FRMD5: variants seen among roughly 807,000 people sequenced by gnomAD.
The protein encoded by FRMD5 is FERM domain-containing protein 5.
In FRMD5, 20 loss-of-function variants were observed where a neutral mutation model predicts 69.0. That is an observed-to-expected ratio of 0.29 (90% CI 0.20 to 0.42). The LOEUF (loss-of-function observed/expected upper bound fraction) is 0.42. Ranked by LOEUF, FRMD5 falls within the 10% of genes least tolerant of loss-of-function variation. The pLI, the probability that FRMD5 is intolerant of heterozygous loss-of-function variation, is 1.00. For synonymous variants in FRMD5, 271 were observed against 260.1 expected, an observed-to-expected ratio of 1.04 and a Z score of -0.40; for missense variants, 595 against 708.6, an observed-to-expected ratio of 0.84 and a Z score of 1.82.
chr15:43,965,524 C>G (rs1023145640), intron 1 of FRMD5, among the ~76,000 whole-genome samples: 3 of 151,948 alleles, frequency 2.0e-5, no homozygotes, highest in Non-Finnish European at 4.4e-5. Context: ...ACCTAATTTC[C>G]CACCATGCCA....
intron 1 of FRMD5, among the ~76,000 whole-genome samples, chr15:44,123,429 G>T (rs1000191379): frequency 6.6e-6 from 1 of 152,066 alleles, no homozygotes; most frequent in South Asian, 2.1e-4. Context: ...TACTATTTTC[G>T]TATATAAACA....
At chr15:43,951,961 ATGTGTGTGTGTGTGTGTGTTG>A (rs1327153631) in intron 1 of FRMD5, among the ~76,000 whole-genome samples, 2 of 111,684 alleles carry the variant, frequency 1.8e-5, no homozygotes, top group Non-Finnish European at 3.4e-5. Flanking sequence ...CTGTATGTGC[ATGTGTGTGTGTGTGTGTGTTG>A]TGTGTGTGTG....
chr15:44,105,086 C>CTT (rs71299549), intron 1 of FRMD5, among the ~76,000 whole-genome samples: 4,470 of 136,864 alleles, frequency 0.033, 183 homozygotes, highest in Admixed American at 0.11. Context: ...AAATTCTTTT[C>CTT]TTTTTTTTTT....
intron 1 of FRMD5, among the ~76,000 whole-genome samples, chr15:43,959,909 A>AATG (rs934151847): frequency 3.3e-4 from 50 of 152,172 alleles, no homozygotes; most frequent in African/African-American, 1.1e-3. Flanking sequence ...TTCTCAGTAA[A>AATG]ATGATGATGA....
intron 1 of FRMD5, among the ~76,000 whole-genome samples, chr15:44,153,949 C>T (rs898084313): frequency 5.9e-5 from 9 of 151,502 alleles, no homozygotes; most frequent in African/African-American, 9.7e-5. Flanking sequence ...GCCTAGGTGA[C>T]GACAGGGCAA....
intron 5 of FRMD5, 86 bp from the exon 6 acceptor site, chr15:43,906,037 A>G (rs2089164116): frequency 1.3e-6 from 2 of 1,530,280 alleles, no homozygotes; most frequent in African/African-American, 1.4e-5. Context: ...ACACAGAGCA[A>G]AAGCCAAAAT....
intron 1 of FRMD5, among the ~76,000 whole-genome samples, chr15:44,108,177 A>C (rs1187644525): frequency 6.6e-6 from 1 of 152,202 alleles, no homozygotes; most frequent in African/African-American, 2.4e-5. Context: ...TAGTCTGCTA[A>C]ACTGAAAATA....
chr15:44,076,679 T>G, intron 1 of FRMD5, among the ~76,000 whole-genome samples: 1 of 146,012 alleles, frequency 6.8e-6, no homozygotes, highest in African/African-American at 2.5e-5. Flanking sequence ...TGCTAGATGA[T>G]GAGTTAGTGG....
At chr15:44,158,679 T>C (rs966569106) in intron 1 of FRMD5, among the ~76,000 whole-genome samples, 1 of 152,196 alleles carries the variant, frequency 6.6e-6, no homozygotes, top group Admixed American at 6.5e-5. Context: ...GAATACCTAA[T>C]GTAAAGAAGA....
chr15:44,006,315 G>GA (rs967785440), intron 1 of FRMD5, among the ~76,000 whole-genome samples: 24 of 151,012 alleles, frequency 1.6e-4, no homozygotes, highest in African/African-American at 2.2e-4. Context: ...TGCTCAAAAA[G>GA]AAAAAAAAAT....
intron 7 of FRMD5, among the ~76,000 whole-genome samples, chr15:43,895,092 T>G (rs147056386): frequency 6.6e-6 from 1 of 152,306 alleles, no homozygotes; most frequent in African/African-American, 2.4e-5. Flanking sequence ...CCTGTGTTTG[T>G]TGTTAATATT....
chr15:44,094,089 T>C lies in FRMD5; in HGVS notation c.102+100864A>G, dbSNP rs532796055. ...CTTACCATGAACCCAGGATACAAACTGACTCAAGCCAGGCCAGTCAGATTT... is the reference window on the plus strand; with the variant it reads ...CTTACCATGAACCCAGGATACAAACCGACTCAAGCCAGGCCAGTCAGATTT... On this transcript the variant is annotated intron_variant, in intron 1 of 13. Transcript: ENST00000417257. 1.3e-4 allele frequency among the ~76,000 whole-genome samples: 20 copies of C among 152,210 alleles called. 1 individual carries two copies. The South Asian group carries it at 4.1e-3, about 32-fold the overall frequency.
At position 44,188,830 on chromosome 15, in the gene FRMD5, G is replaced by C. The variant is rs1056403760; in HGVS notation, c.102+6123C>G. Among the ~76,000 whole-genome samples, 6 of 152,144 alleles carry C rather than the reference G, an allele frequency of 3.9e-5. No homozygotes were observed. In the East Asian group the frequency reaches 1.2e-3, roughly 29 times the overall value. On this transcript the variant is annotated intron_variant, in intron 1 of 13. Coordinates refer to ENST00000417257, the MANE Select transcript of FRMD5 (RefSeq NM_032892.5). The stretch of plus-strand genomic sequence containing the variant: ...CAGTGGTTGTCTGAGGCTTTGAACT[G>C]ATCTTTAACACACAGGAATGAGTTC...
At chr15:44,131,423 A>G (rs1461855351) in intron 1 of FRMD5, among the ~76,000 whole-genome samples, 1 of 152,156 alleles carries the variant, frequency 6.6e-6, no homozygotes, top group Non-Finnish European at 1.5e-5. Flanking sequence ...TAATTACTAT[A>G]TGATCCAAAG....
At chr15:43,927,536 G>A (rs2089605857) in intron 1 of FRMD5, among the ~76,000 whole-genome samples, 1 of 152,204 alleles carries the variant, frequency 6.6e-6, no homozygotes, top group Admixed American at 6.5e-5. Flanking sequence ...AGTGAGAAGA[G>A]CTTAAAGAGG....
chr15:44,058,799 A>AAAAGAAG (rs1555399622), intron 1 of FRMD5, among the ~76,000 whole-genome samples: 1 of 151,400 alleles, frequency 6.6e-6, no homozygotes, highest in African/African-American at 2.4e-5. Flanking sequence ...AAAAAAAAAA[A>AAAAGAAG]AAGAAGAAGA....
chr15:43,934,795 C>T (rs1444217202), intron 1 of FRMD5, among the ~76,000 whole-genome samples: 1 of 152,220 alleles, frequency 6.6e-6, no homozygotes, highest in Non-Finnish European at 1.5e-5. Flanking sequence ...CTGTCCTTCC[C>T]AGGCCCACTA....
At chr15:44,138,861 A>C (rs1370019182) in intron 1 of FRMD5, among the ~76,000 whole-genome samples, 2 of 152,226 alleles carry the variant, frequency 1.3e-5, no homozygotes, top group Admixed American at 1.3e-4. Context: ...CAGATTATAT[A>C]ATTCCATTTA....
At chr15:44,120,171 G>A (rs185210835) in intron 1 of FRMD5, among the ~76,000 whole-genome samples, 251 of 152,186 alleles carry the variant, frequency 1.6e-3, no homozygotes, top group Middle Eastern at 3.4e-3. Flanking sequence ...GACAATAATG[G>A]AACATTAAAG....
Sources: allele counts gnomAD v4.1 joint callset (sites outside exome capture counted in the v4.1 genomes callset), GRCh38; gene constraint gnomAD v4.1.1; transcripts MANE v1.5; gene names NCBI Gene and HGNC (gene_info 2026-07-23, HGNC 2026-07-21).